Variants in PACC1 observed in about 807,000 individuals in gnomAD.
The protein encoded by PACC1 is proton activated chloride channel 1.
A neutral mutation model predicts 39.7 loss-of-function variants in PACC1; 34 were observed. The observed-to-expected ratio is 0.86, with a 90% CI of 0.65 to 1.14. The LOEUF is 1.14. Ranked by LOEUF, PACC1 falls within the 50% of genes most tolerant of loss-of-function variation. The pLI is 0.00. For missense variants in PACC1, 379 were observed against 436.4 expected (o/e 0.87, Z 1.17); for synonymous variants, 127 against 160.6 (o/e 0.79, Z 1.58).
intron 1 of PACC1, 132 bp downstream of exon 1, chr1:212,414,590 G>T: frequency 2.6e-6 from 3 of 1,164,952 alleles, no homozygotes; most frequent in Non-Finnish European, 2.4e-6. Flanking sequence ...GCCCTCCCCT[G>T]ACGCACCCGT....
At chr1:212,381,694 T>TACACAC (rs747376806) in intron 4 of PACC1, among the ~76,000 whole-genome samples, 1,652 of 78,570 alleles carry the variant, frequency 0.021, 30 homozygotes, top group East Asian at 0.042. Flanking sequence ...ACACACACAC[T>TACACAC]GCACACACAC....
intron 7 of PACC1, among the ~76,000 whole-genome samples, chr1:212,374,899 T>C (rs1418441070): frequency 1.3e-5 from 2 of 152,194 alleles, no homozygotes; most frequent in Non-Finnish European, 2.9e-5. Flanking sequence ...CACTCCACTA[T>C]ATCCCAGATA....
intron 2 of PACC1, among the ~76,000 whole-genome samples, chr1:212,394,504 C>G (rs1295042179): frequency 6.6e-6 from 1 of 152,138 alleles, no homozygotes; most frequent in South Asian, 2.1e-4. Context: ...AAACTGGAAG[C>G]ATTCCCTTTG....
In PACC1 at chr1:212,414,868, C is replaced by T. The variant is rs761269916; in HGVS notation, c.-111G>A. ...ACCGGCTCCGCGAGGCGAAACCGGT[C>T]CGGAGGGGCGTCCCAGAGACCAGGC... On this transcript the variant is annotated 5_prime_UTR_variant, in exon 1 of 8. Transcript: ENST00000261455. 2.1e-6 allele frequency: 3 copies of T among 1,412,018 alleles called. No homozygotes were observed. The highest frequency in any genetic ancestry group is 4.0e-5 in the Admixed American group (2 of 50,286). The allele number at this position is 1,412,018 out of a possible 1,614,324, so 87.5% of individuals were successfully genotyped here. A position where few individuals can be genotyped will look rare whatever the true frequency, so the allele number is the denominator to read the frequency against.
In PACC1 at chr1:212,386,418, G is replaced by A. The variant is rs1301870540; in HGVS notation, c.343+473C>T. 1.3e-5 allele frequency among the ~76,000 whole-genome samples: 2 copies of A among 152,082 alleles called. No individual in the cohort carries two copies. Among genetic ancestry groups the A allele is most frequent in the Non-Finnish European group, 2.9e-5 (2 of 67,984 alleles). On this transcript the variant is annotated intron_variant, in intron 3 of 7. Coordinates refer to ENST00000261455, the MANE Select transcript of PACC1 (RefSeq NM_018252.3). The surrounding 1 kb of genome is among the most constrained non-coding windows in gnomAD (Gnocchi z 5.0). ...TGGCCTGGGAGTCCCTCTCCAGGCA[G>A]GGTTGAATGGCCTCGCCTCCCCTGC...
chr1:212,375,398 CTG>C lies in PACC1; in HGVS notation c.784-100_784-99del, dbSNP rs1660610653. 3.2e-5 allele frequency: 26 copies of C among 809,286 alleles called. 2 individuals carry two copies. In the South Asian group the frequency reaches 4.1e-4, roughly 13 times the overall value. The allele number at this position is 809,286 out of a possible 1,614,324, so 50.1% of individuals were successfully genotyped here. A position where few individuals can be genotyped will look rare whatever the true frequency, so the allele number is the denominator to read the frequency against. On this transcript the variant is annotated intron_variant, in intron 6 of 7. Transcript: ENST00000261455. ...GAGAGAGTAGGCAGGGGATCATAGTCTGTGGTTCTCCTCACACTATTTTTTGG... is the reference window on the plus strand; with the variant it reads ...GAGAGAGTAGGCAGGGGATCATAGTCTGGTTCTCCTCACACTATTTTTTGG...
At chr1:212,390,195 C>A (rs1661258914) in intron 2 of PACC1, among the ~76,000 whole-genome samples, 1 of 152,024 alleles carries the variant, frequency 6.6e-6, no homozygotes. Context: ...GAGGCTGAGG[C>A]AGGCGGATCA....
intron 1 of PACC1, chr1:212,414,093 A>G (rs1272209986): frequency 2.0e-6 from 3 of 1,522,208 alleles, no homozygotes; most frequent in African/African-American, 1.4e-5. Flanking sequence ...GCAGCGCAGG[A>G]CAGAGAAGAG....
chr1:212,409,456 GA>G (rs1181156986), intron 2 of PACC1, among the ~76,000 whole-genome samples: 1 of 152,164 alleles, frequency 6.6e-6, no homozygotes, highest in Non-Finnish European at 1.5e-5. Flanking sequence ...GCCCTGTGGT[GA>G]GAGGGAATGA....
At chr1:212,401,408 C>G (rs1403857008) in intron 2 of PACC1, among the ~76,000 whole-genome samples, 1 of 151,990 alleles carries the variant, frequency 6.6e-6, no homozygotes, top group Non-Finnish European at 1.5e-5. Flanking sequence ...GGAGGATCAC[C>G]TGAGGTCAGG....
At chr1:212,405,135 C>T (rs934170531) in intron 2 of PACC1, among the ~76,000 whole-genome samples, 4 of 152,044 alleles carry the variant, frequency 2.6e-5, no homozygotes, top group Admixed American at 2.6e-4. Context: ...TTTCTTTGGC[C>T]CTCATTCATT....
At chr1:212,402,905 C>T (rs1382114467) in intron 2 of PACC1, among the ~76,000 whole-genome samples, 1 of 152,158 alleles carries the variant, frequency 6.6e-6, no homozygotes, top group East Asian at 1.9e-4. Context: ...CCACCCACCT[C>T]GACCTCCCAA....
intron 2 of PACC1, among the ~76,000 whole-genome samples, chr1:212,392,756 G>C (rs919513118): frequency 4.6e-5 from 7 of 150,890 alleles, no homozygotes; most frequent in Admixed American, 6.6e-5. Flanking sequence ...CCAAGCAAAT[G>C]GAAAACAAAA....
rs373724457 is a variant in PACC1 at position 212,402,526 on chromosome 1, G to A, written c.133+7899C>T. 3.9e-5 allele frequency among the ~76,000 whole-genome samples: 6 copies of A among 152,220 alleles called. No individual in the cohort carries two copies. In the South Asian group the frequency reaches 8.3e-4, roughly 21 times the overall value. On this transcript the variant is annotated intron_variant, in intron 2 of 7. Coordinates refer to ENST00000261455, the MANE Select transcript of PACC1 (RefSeq NM_018252.3). ...AACTGAGTTATTTGTCTTTATTGTT[G>A]AATTGTAGGTGTTCTTTATATATTC...
chr1:212,366,680 G>A (rs769129530), intron 7 of PACC1, among the ~76,000 whole-genome samples: 28 of 152,132 alleles, frequency 1.8e-4, no homozygotes, highest in South Asian at 4.1e-4. Flanking sequence ...CATGCCTCGG[G>A]TACTGGGCTC....
intron 2 of PACC1, among the ~76,000 whole-genome samples, chr1:212,392,776 G>T (rs562341856): frequency 7.9e-5 from 12 of 151,324 alleles, no homozygotes; most frequent in Admixed American, 5.9e-4. Flanking sequence ...AAAAGGCAGG[G>T]GTTGCAATCC....
chr1:212,394,939 A>T (rs540187225), intron 2 of PACC1, among the ~76,000 whole-genome samples: 2 of 152,344 alleles, frequency 1.3e-5, no homozygotes, highest in Middle Eastern at 3.4e-3. Context: ...ATAAAAGAGG[A>T]CACAAACAAA....
rs375117847 is a variant in PACC1, at chr1:212,379,222, T to C, written c.638+673A>G. ...CCTCCCAAAGTGGTAGGATTACAGG[T>C]GTGAGCCACCACACCTGGCCATGAT... is the stretch of plus-strand genomic sequence containing the variant. On this transcript the variant is annotated intron_variant, in intron 5 of 7. Coordinates refer to ENST00000261455, the MANE Select transcript of PACC1 (RefSeq NM_018252.3). Among the ~76,000 whole-genome samples, 37 of 152,258 alleles carry C rather than the reference T, an allele frequency of 2.4e-4. 1 individual carries two copies. Among genetic ancestry groups the C allele is most frequent in the Admixed American group, 1.4e-3 (21 of 15,294 alleles).
In PACC1 at chr1:212,385,415, C is replaced by T; in HGVS notation, c.354G>A (p.Leu118=). The T allele has an allele frequency of 6.2e-7, 1 of 1,613,984 alleles. No homozygotes were observed. Among genetic ancestry groups the T allele is most frequent in the Non-Finnish European group, 8.5e-7 (1 of 1,179,978 alleles). The change falls in exon 4 of 8, where the codon TTG becomes TTA. Residue 118 remains leucine (L), a synonymous_variant. Coordinates refer to ENST00000261455, the MANE Select transcript of PACC1 (RefSeq NM_018252.3). The part of the protein sequence containing the change: ...VDRYDAPGIA[L]YPGQAQLLSC... ...TGAGCAACTGGGCCTGACCGGGGTA[C>T]AAGGCAATACCTGGGGGCACAAACA...
Sources: allele counts gnomAD v4.1 joint callset (sites outside exome capture counted in the v4.1 genomes callset), GRCh38; gene constraint gnomAD v4.1.1; non-coding constraint Gnocchi (gnomAD v3.1); transcripts MANE v1.5; gene names NCBI Gene and HGNC (gene_info 2026-07-23, HGNC 2026-07-21).